Variants in CHCHD6 observed in about 807,000 individuals in gnomAD.
The protein encoded by CHCHD6 is MICOS complex subunit MIC25.
CHCHD6 carries 28 observed loss-of-function variants against 32.3 expected under a neutral mutation model. That is an observed-to-expected ratio of 0.87 (90% CI 0.64 to 1.19). The LOEUF (loss-of-function observed/expected upper bound fraction) is 1.19. Ranked by LOEUF, CHCHD6 falls within the 50% of genes most tolerant of loss-of-function variation. The probability of loss-of-function intolerance (pLI) is 0.00; values close to 1 mark genes in which losing one functional copy is unlikely to be tolerated. For missense variants in CHCHD6, 333 were observed against 307.0 expected (o/e 1.08, Z -0.63); for synonymous variants, 122 against 117.5 (o/e 1.04, Z -0.25).
intron 5 of CHCHD6, among the ~76,000 whole-genome samples, chr3:126,872,906 A>G (rs1325324511): frequency 1.3e-5 from 2 of 152,214 alleles, no homozygotes; most frequent in African/African-American, 4.8e-5. Flanking sequence ...GTTGTGGCCT[A>G]AGGCAAGTTG....
intron 4 of CHCHD6, among the ~76,000 whole-genome samples, chr3:126,845,092 TAA>T (rs1479455030): frequency 6.6e-6 from 1 of 152,238 alleles, no homozygotes; most frequent in African/African-American, 2.4e-5. Context: ...TTTAAGCCAC[TAA>T]GTTTCTGGTA....
At chr3:126,776,852 A>G (rs1439206288) in intron 4 of CHCHD6, among the ~76,000 whole-genome samples, 1 of 152,210 alleles carries the variant, frequency 6.6e-6, no homozygotes, top group Non-Finnish European at 1.5e-5. Flanking sequence ...ATTCAATTAC[A>G]TATGGTGTTA....
chr3:126,927,092 G>T (rs562500800), intron 6 of CHCHD6, among the ~76,000 whole-genome samples: 1 of 152,294 alleles, frequency 6.6e-6, no homozygotes, highest in South Asian at 2.1e-4. Flanking sequence ...CATTCAAGCA[G>T]AACTGAGCTG....
chr3:126,803,214 A>G (rs1010412602), intron 4 of CHCHD6, among the ~76,000 whole-genome samples: 2 of 152,308 alleles, frequency 1.3e-5, no homozygotes, highest in East Asian at 3.9e-4. Context: ...ACACATAACA[A>G]TATTAACTTT....
At chr3:126,851,196 A>C (rs890855439) in intron 4 of CHCHD6, among the ~76,000 whole-genome samples, 3 of 152,150 alleles carry the variant, frequency 2.0e-5, no homozygotes, top group African/African-American at 4.8e-5. Flanking sequence ...GGTGCTCTGC[A>C]CTCAGGGGCA....
intron 2 of CHCHD6, among the ~76,000 whole-genome samples, chr3:126,729,929 C>A (rs981654637): frequency 6.6e-6 from 1 of 152,146 alleles, no homozygotes; most frequent in African/African-American, 2.4e-5. Flanking sequence ...AGTAACAAAA[C>A]CTTCAGTATC....
At chr3:126,767,172 C>T (rs1157381245) in intron 4 of CHCHD6, 1 of 1,592,310 alleles carries the variant, frequency 6.3e-7, no homozygotes, top group Non-Finnish European at 8.6e-7. Flanking sequence ...CCTTTGCAGT[C>T]CATTATCATA....
At chr3:126,908,297 T>C (rs1178049140) in intron 5 of CHCHD6, among the ~76,000 whole-genome samples, 1 of 152,216 alleles carries the variant, frequency 6.6e-6, no homozygotes, top group East Asian at 1.9e-4. Context: ...CCACCTATCT[T>C]GGCCCCACCC....
chr3:126,727,328 C>G (rs1192582002), intron 2 of CHCHD6, 142 bp downstream of exon 2: 3 of 480,898 alleles, frequency 6.2e-6, no homozygotes, highest in Middle Eastern at 5.4e-4. Context: ...TAAGGGCTTT[C>G]CGGAAGAGCA....
intron 5 of CHCHD6, among the ~76,000 whole-genome samples, chr3:126,865,085 T>TTCCTCC (rs141768917): frequency 8.1e-5 from 5 of 61,858 alleles, no homozygotes; most frequent in Non-Finnish European, 1.2e-4. Flanking sequence ...CCTCCACTTC[T>TTCCTCC]TCCTCCTCCT....
intron 4 of CHCHD6, among the ~76,000 whole-genome samples, chr3:126,813,388 GT>G (rs1320296978): frequency 6.6e-6 from 1 of 152,172 alleles, no homozygotes; most frequent in Non-Finnish European, 1.5e-5. Flanking sequence ...GTACTTTGCT[GT>G]TTTAATAAAA....
At chr3:126,860,492 C>A (rs145388924) in intron 5 of CHCHD6, among the ~76,000 whole-genome samples, 10 of 151,942 alleles carry the variant, frequency 6.6e-5, no homozygotes, top group African/African-American at 9.7e-5. Flanking sequence ...ATATACCTAA[C>A]GTAAATGATG....
chr3:126,927,430 C>T (rs1032549536), intron 6 of CHCHD6, among the ~76,000 whole-genome samples: 23 of 152,136 alleles, frequency 1.5e-4, no homozygotes, highest in African/African-American at 4.3e-4. Context: ...GTGCAGAGGG[C>T]GTCTCATCCA....
Position 126,735,550 on chromosome 3 carries a change from G to C in CHCHD6, c.411+2328G>C, listed in dbSNP as rs1459097155. On this transcript the variant is annotated intron_variant, in intron 4 of 7. Transcript: ENST00000290913. ...TTCCTGCTGTGTGTAGACTTGGTGG[G>C]ATTGTAATTCCTCTGTGGAAGCTGG... Among the ~76,000 whole-genome samples the C allele has an allele frequency of 2.7e-5, 4 of 150,116 alleles. No individual in the cohort carries two copies. The South Asian group carries it at 6.4e-4, about 24-fold the overall frequency.
intron 6 of CHCHD6, among the ~76,000 whole-genome samples, chr3:126,938,682 C>T (rs1229252822): frequency 1.3e-5 from 2 of 152,014 alleles, no homozygotes; most frequent in African/African-American, 2.4e-5. Flanking sequence ...CGAGAGAACA[C>T]ACTTTCTCCT....
chr3:126,833,688 A>G (rs1243333465), intron 4 of CHCHD6, among the ~76,000 whole-genome samples: 2 of 152,344 alleles, frequency 1.3e-5, no homozygotes, highest in African/African-American at 4.8e-5. Flanking sequence ...GAGAATAAAT[A>G]TACAACCTCT....
In CHCHD6 at chr3:126,840,188, G is replaced by A. The variant is rs531999007; in HGVS notation, c.412-12459G>A. Among the ~76,000 whole-genome samples, 8 of 152,176 alleles carry A rather than the reference G, an allele frequency of 5.3e-5. No individual in the cohort carries two copies. In the East Asian group the frequency reaches 9.7e-4, roughly 18 times the overall value. On this transcript the variant is annotated intron_variant, in intron 4 of 7. Transcript: ENST00000290913. ...ATATTCCATTATATAGATATACCAC[G>A]TTTTAAAATTCATCTGTTAGTTGAT...
chr3:126,921,503 A>G (rs1365685594), intron 6 of CHCHD6, among the ~76,000 whole-genome samples: 1 of 93,650 alleles, frequency 1.1e-5, no homozygotes, highest in African/African-American at 2.9e-5. Context: ...TTTTATGACA[A>G]CCTTCAGTCT....
chr3:126,918,920 A>C (rs112445972), intron 6 of CHCHD6, among the ~76,000 whole-genome samples: 121 of 152,342 alleles, frequency 7.9e-4, no homozygotes, highest in African/African-American at 2.8e-3. Context: ...AGTATAAATG[A>C]GTTAAAATTT....
Sources: allele counts gnomAD v4.1 joint callset (sites outside exome capture counted in the v4.1 genomes callset), GRCh38; gene constraint gnomAD v4.1.1; transcripts MANE v1.5; gene names NCBI Gene and HGNC (gene_info 2026-07-23, HGNC 2026-07-21).